Variants in KCTD20 observed in about 807,000 individuals in gnomAD.
KCTD20 encodes the protein potassium channel tetramerization domain containing 20.
Under a neutral mutation model 39.6 loss-of-function variants are expected in KCTD20, and 30 were observed. That is an observed-to-expected ratio of 0.76 (90% CI 0.57 to 1.03). KCTD20 has a LOEUF of 1.03. Ranked by LOEUF, KCTD20 falls within the 50% of genes least tolerant of loss-of-function variation. The pLI, the probability that KCTD20 is intolerant of heterozygous loss-of-function variation, is 0.00. For synonymous variants in KCTD20, 162 were observed against 180.6 expected, an observed-to-expected ratio of 0.90 and a Z score of 0.83; for missense variants, 422 against 522.0, an observed-to-expected ratio of 0.81 and a Z score of 1.87.
chr6:36,462,475 A>G (rs2127438293), intron 1 of KCTD20, among the ~76,000 whole-genome samples: 1 of 152,312 alleles, frequency 6.6e-6, no homozygotes, highest in African/African-American at 2.4e-5. Flanking sequence ...TCAGTGGGAG[A>G]TCACTTGAGG....
At position 36,487,816 on chromosome 6, in the gene KCTD20, A is replaced by G. The variant is rs557176047; in HGVS notation, c.*641A>G. ...CCACACAGATTCCTTGGCAGGAAGG[A>G]TAATGGAATAACAGTGTTGATGAGA... is the stretch of plus-strand genomic sequence containing the variant. On this transcript the variant is annotated 3_prime_UTR_variant, in exon 8 of 8. Coordinates refer to ENST00000373731, the MANE Select transcript of KCTD20 (RefSeq NM_173562.5). 1 of 152,360 alleles carries G rather than the reference A, an allele frequency of 6.6e-6. No homozygotes were observed. The highest frequency in any genetic ancestry group is 2.1e-4 in the South Asian group (1 of 4,828). The allele number at this position is 152,360 out of a possible 1,614,324, so 9.4% of individuals were successfully genotyped here. A position where few individuals can be genotyped will look rare whatever the true frequency, so the allele number is the denominator to read the frequency against.
chr6:36,470,567 T>C (rs1775881450), intron 2 of KCTD20, among the ~76,000 whole-genome samples: 1 of 152,208 alleles, frequency 6.6e-6, no homozygotes, highest in South Asian at 2.1e-4. Context: ...ATCCTCAGTC[T>C]TTCTGAGCCC....
At chr6:36,481,492 T>C (rs1284568842) in intron 5 of KCTD20, 70 bp from the exon 6 acceptor site, 32 of 1,141,202 alleles carry the variant, frequency 2.8e-5, no homozygotes, top group Non-Finnish European at 2.7e-6. Context: ...CATTCCCTCA[T>C]AGTCTTTTTC....
chr6:36,487,167 C>G lies in KCTD20; in HGVS notation c.1252C>G (p.Gln418Glu). 1 of 1,612,126 alleles carries G rather than the reference C, an allele frequency of 6.2e-7. No homozygotes were observed. The highest frequency in any genetic ancestry group is 1.3e-5 in the African/African-American group (1 of 75,052). Residue 418 changes from glutamine (Q) to glutamate (E), a missense_variant, in exon 8 of 8, where the codon CAG (glutamine) becomes GAG (glutamate). Gln to Glu is a conservative substitution (Grantham distance 29). Transcript: ENST00000373731. ...TTCTCAGATGGCTTCTAACGACTTT[C>G]AGGATTAGGGCCAGCTGTGGGTCTA... ...PLSQMASNDFQD is the reference protein window; with the variant it reads ...PLSQMASNDFED
intron 6 of KCTD20, among the ~76,000 whole-genome samples, chr6:36,484,443 G>A (rs1334966388): frequency 2.0e-5 from 3 of 152,026 alleles, no homozygotes; most frequent in East Asian, 3.8e-4. Context: ...TTTGGTAAAC[G>A]GTTTAGGCTA....
At chr6:36,477,604 C>T (rs1468944555) in intron 3 of KCTD20, among the ~76,000 whole-genome samples, 1 of 150,934 alleles carries the variant, frequency 6.6e-6, no homozygotes, top group Non-Finnish European at 1.5e-5. Flanking sequence ...CTCAGCCTCC[C>T]GCACAGCTGG....
intron 4 of KCTD20, among the ~76,000 whole-genome samples, 171 bp from the exon 5 acceptor site, chr6:36,479,420 G>C (rs1379968835): frequency 6.6e-6 from 1 of 152,080 alleles, no homozygotes; most frequent in Non-Finnish European, 1.5e-5. Context: ...ACCAAGTTCT[G>C]GTTAAACAAG....
rs1776372290 is a variant in KCTD20, at chr6:36,484,941, C to G, written c.967+117C>G. On this transcript the variant is annotated intron_variant, in intron 7 of 7. Coordinates refer to ENST00000373731, the MANE Select transcript of KCTD20 (RefSeq NM_173562.5). Reference sequence around the variant, plus strand: ...AATAGGCATACATGAAAACCACATTCTTACTCAAGTTTGAATGTTCCTGTT... The same window carrying G: ...AATAGGCATACATGAAAACCACATTGTTACTCAAGTTTGAATGTTCCTGTT... The G allele has an allele frequency of 4.8e-6, 3 of 626,140 alleles. No homozygotes were observed. The Admixed American group carries it at 8.4e-5, about 18-fold the overall frequency. The allele number at this position is 626,140 out of a possible 1,614,324, so 38.8% of individuals were successfully genotyped here. A position where few individuals can be genotyped will look rare whatever the true frequency, so the allele number is the denominator to read the frequency against.
At chr6:36,454,204 T>G (rs558318153) in intron 1 of KCTD20, among the ~76,000 whole-genome samples, 10 of 152,238 alleles carry the variant, frequency 6.6e-5, no homozygotes, top group Non-Finnish European at 1.3e-4. Flanking sequence ...ATATGAGCAG[T>G]GGACAAACTA....
chr6:36,461,919 T>A (rs1775614196), intron 1 of KCTD20, among the ~76,000 whole-genome samples: 1 of 152,186 alleles, frequency 6.6e-6, no homozygotes, highest in Admixed American at 6.6e-5. Context: ...GTACGAGCTT[T>A]CCTGTGGAAT....
chr6:36,450,823 T>C (rs1006283572), intron 1 of KCTD20: 2 of 152,248 alleles, frequency 1.3e-5, no homozygotes, highest in African/African-American at 4.8e-5. Flanking sequence ...TATGTGATAA[T>C]ATATTGTTTT....
intron 1 of KCTD20, among the ~76,000 whole-genome samples, chr6:36,446,394 T>C (rs1043079645): frequency 2.4e-4 from 36 of 152,180 alleles, no homozygotes; most frequent in African/African-American, 8.2e-4. Flanking sequence ...ATTTTTAAAA[T>C]ATGTTAAATG....
intron 1 of KCTD20, chr6:36,452,541 C>CTTTTTTTTTT (rs57480327): frequency 7.9e-6 from 1 of 126,944 alleles, no homozygotes; most frequent in African/African-American, 2.9e-5. Flanking sequence ...TCTTCATTTT[C>CTTTTTTTTTT]TTTTTTTTTT....
intron 5 of KCTD20, 104 bp from the exon 6 acceptor site, chr6:36,481,458 C>A: frequency 1.2e-6 from 1 of 843,662 alleles, no homozygotes; most frequent in Non-Finnish European, 2.0e-6. Context: ...TGCCACTTCT[C>A]TGAACCTCAT....
intron 3 of KCTD20, among the ~76,000 whole-genome samples, chr6:36,476,345 C>T (rs1386598592): frequency 1.3e-5 from 2 of 151,950 alleles, no homozygotes; most frequent in African/African-American, 4.8e-5. Flanking sequence ...GAATTGATCA[C>T]ACTAATTTAT....
chr6:36,454,694 A>G (rs1775377918), intron 1 of KCTD20, among the ~76,000 whole-genome samples: 1 of 144,396 alleles, frequency 6.9e-6, no homozygotes, highest in Admixed American at 7.2e-5. Context: ...GCTGGAGTGC[A>G]GTGACACAAT....
chr6:36,475,040 C>T lies in KCTD20; in HGVS notation c.412C>T (p.His138Tyr), dbSNP rs1307269814. The T allele has an allele frequency of 2.5e-6, 4 of 1,613,764 alleles. No homozygotes were observed. Among genetic ancestry groups the T allele is most frequent in the East Asian group, 2.2e-5 (1 of 44,892 alleles). Residue 138 changes from histidine to tyrosine, a missense_variant, in exon 3 of 8, where the codon CAT (histidine) becomes TAT (tyrosine). Coordinates refer to ENST00000373731, the MANE Select transcript of KCTD20 (RefSeq NM_173562.5). ...TGTGAATCCACAGATTTTCACTGCT[C>T]ATCCGGATACCATGCTGGGAAGGTA... The part of the protein sequence containing the change: ...FVVNPQIFTA[H>Y]PDTMLGRMFG...
intron 6 of KCTD20, among the ~76,000 whole-genome samples, chr6:36,484,065 G>A (rs1391475644): frequency 2.0e-5 from 3 of 151,162 alleles, no homozygotes; most frequent in Non-Finnish European, 2.9e-5. Context: ...TCAGCCTCCC[G>A]AGTAGCTGGG....
chr6:36,449,974 C>T, intron 1 of KCTD20, among the ~76,000 whole-genome samples: 1 of 151,824 alleles, frequency 6.6e-6, no homozygotes, highest in South Asian at 2.1e-4. Context: ...ACCATCATGG[C>T]TAACATGGTG....
Sources: gnomAD v4.1 joint callset for allele counts (sites outside exome capture counted in the v4.1 genomes callset) on GRCh38, gnomAD v4.1.1 for gene constraint, MANE v1.5 for transcripts, NCBI Gene and HGNC (gene_info 2026-07-23, HGNC 2026-07-21) for gene names.